Variants in SREK1 observed in about 807,000 individuals in gnomAD.
SREK1 encodes splicing regulatory glutamic acid and lysine rich protein 1.
SREK1 carries 13 observed loss-of-function variants against 66.5 expected under a neutral mutation model. The ratio of observed to expected loss-of-function variants is 0.20; its 90% confidence interval spans 0.13 to 0.31. SREK1 has a LOEUF of 0.31. Ranked by LOEUF, SREK1 falls within the 10% of genes least tolerant of loss-of-function variation. The pLI is 1.00. For synonymous variants in SREK1, 265 were observed against 263.5 expected (o/e 1.01, Z -0.05); for missense variants, 607 against 769.6 (o/e 0.79, Z 2.50).
chr5:66,170,162 G>A lies in SREK1; in HGVS notation c.1113G>A (p.Ser371=), dbSNP rs750079764. The change falls in exon 8 of 12, where the codon TCG becomes TCA. Residue 371 remains serine (S), a synonymous_variant. Transcript: ENST00000334121. ...AGAGACGGAAGTCAAGGAGTCGTTC[G>A]CATTCACGGTGAGTTTTAGAGAAAT... ...SRERRKSRSR[S]HSRDKRKDTR... The A allele has an allele frequency of 7.5e-6, 12 of 1,610,308 alleles. No individual in the cohort carries two copies. Among genetic ancestry groups the A allele is most frequent in the Admixed American group, 1.7e-5 (1 of 59,368 alleles).
intron 7 of SREK1, chr5:66,167,412 C>G (rs1456518020): frequency 1.3e-5 from 2 of 152,166 alleles, no homozygotes; most frequent in Non-Finnish European, 2.9e-5. Context: ...AACTGATTTA[C>G]AAATGAACTT....
At chr5:66,177,424 ATATCCAG>A in intron 10 of SREK1, 83 bp from the exon 11 acceptor site, 1 of 1,048,558 alleles carries the variant, frequency 9.5e-7, no homozygotes, top group Non-Finnish European at 1.3e-6. Context: ...ATTATTTTAG[ATATCCAG>A]TGTTAGAAAA....
intron 7 of SREK1, chr5:66,167,432 A>G (rs1397507526): frequency 6.6e-6 from 1 of 152,258 alleles, no homozygotes. Flanking sequence ...TTGATGCAGC[A>G]TAATGGTAAG....
At position 66,180,770 on chromosome 5, in the gene SREK1, AGT is replaced by A. The variant is rs1048691612; in HGVS notation, c.*1907_*1908del. On this transcript the variant is annotated 3_prime_UTR_variant, in exon 12 of 12. Coordinates refer to ENST00000334121, the MANE Select transcript of SREK1 (RefSeq NM_001077199.3). Reference sequence around the variant, plus strand: ...GGTGCATATGGAAAGATTGTGAAAGAGTGTGTCTTGCATCAACAGCTGTCTTA... The same window carrying A: ...GGTGCATATGGAAAGATTGTGAAAGAGTGTCTTGCATCAACAGCTGTCTTA... The A allele has an allele frequency of 7.2e-5, 11 of 152,592 alleles. No homozygotes were observed. The highest frequency in any genetic ancestry group is 1.7e-4 in the African/African-American group (7 of 41,448). 9.5% of individuals were successfully genotyped at this position (152,592 alleles called of 1,614,324 possible). A position where few individuals can be genotyped will look rare whatever the true frequency, so the allele number is the denominator to read the frequency against.
chr5:66,144,591 G>T, intron 1 of SREK1, 54 bp downstream of exon 1: 1 of 1,510,616 alleles, frequency 6.6e-7, no homozygotes. Flanking sequence ...GAGACCTCGG[G>T]AGCCGAGGCG....
In SREK1 at chr5:66,170,792, G is replaced by A; in HGVS notation, c.1329G>A (p.Lys443=). ...GAGAACGGGAAAAAGAGCATGAGAA[G>A]GATCGAGACAAAGAGAAGGAAAAGG... is the stretch of plus-strand genomic sequence containing the variant. ...REREREKEHE[K]DRDKEKEKEQ... is the part of the protein sequence containing the mutation. The change falls in exon 9 of 12, where the codon AAG becomes AAA. Residue 443 remains lysine, a synonymous_variant. Transcript: ENST00000334121. 3 of 1,608,352 alleles carry A rather than the reference G, an allele frequency of 1.9e-6. No homozygotes were observed. Among genetic ancestry groups the A allele is most frequent in the Non-Finnish European group, 2.5e-6 (3 of 1,177,070 alleles).
chr5:66,167,089 T>A (rs2112054617), intron 7 of SREK1: 1 of 152,272 alleles, frequency 6.6e-6, no homozygotes, highest in African/African-American at 2.4e-5. Context: ...ACCCTTTAAC[T>A]TAAAGGCCCA....
chr5:66,162,046 A>G (rs1230478250), intron 3 of SREK1, 63 bp from the exon 4 acceptor site: 1 of 1,542,760 alleles, frequency 6.5e-7, no homozygotes, highest in East Asian at 2.3e-5. Flanking sequence ...AGATTAGAGA[A>G]TGGTATCTTT....
chr5:66,161,200 A>G (rs1414877217), intron 3 of SREK1, among the ~76,000 whole-genome samples: 1 of 152,214 alleles, frequency 6.6e-6, no homozygotes, highest in Non-Finnish European at 1.5e-5. Context: ...TTAGGAACTC[A>G]TACTCATACT....
intron 10 of SREK1, 105 bp downstream of exon 10, chr5:66,175,146 T>C: frequency 1.1e-6 from 1 of 876,458 alleles, no homozygotes; most frequent in East Asian, 2.7e-5. Flanking sequence ...TTTGAATGAA[T>C]AATACATATG....
chr5:66,177,271 T>C (rs1746134872), intron 10 of SREK1: 2 of 329,938 alleles, frequency 6.1e-6, no homozygotes, highest in African/African-American at 4.3e-5. Flanking sequence ...AATAGTGTTT[T>C]ATGAGAACAT....
At chr5:66,167,688 A>T (rs150539566) in intron 7 of SREK1, 1 of 152,220 alleles carries the variant, frequency 6.6e-6, no homozygotes, top group East Asian at 1.9e-4. Flanking sequence ...TTGCAGGGTA[A>T]GGTTGGAAGC....
At position 66,177,640 on chromosome 5, in the gene SREK1, G is replaced by GAAC; in HGVS notation, c.1709_1711dup (p.Asn570dup). ...GAGATGGGAAGGAGAAGTTGGAGAA[G>GAAC]AACAGTACTTCACTTAAAGTAAGCA... On this transcript the variant is annotated inframe_insertion, in exon 11 of 12. Coordinates refer to ENST00000334121, the MANE Select transcript of SREK1 (RefSeq NM_001077199.3). The GAAC allele has an allele frequency of 6.2e-7, 1 of 1,601,140 alleles. No homozygotes were observed. Among genetic ancestry groups the GAAC allele is most frequent in the East Asian group, 2.2e-5 (1 of 44,640 alleles).
Position 66,144,475 on chromosome 5 carries a change from G to C in SREK1, c.99G>C (p.Glu33Asp). The C allele has an allele frequency of 6.4e-7, 1 of 1,553,132 alleles. No individual in the cohort carries two copies. Among genetic ancestry groups the C allele is most frequent in the Non-Finnish European group, 8.7e-7 (1 of 1,147,784 alleles). The change falls in exon 1 of 12, where the codon GAG becomes GAC. Residue 33 changes from glutamate to aspartate, a missense_variant. Transcript: ENST00000334121. ...VTNLSSAVTS[E>D]QMRTLFSFLG... ...ATCTGTCGTCGGCGGTGACCAGCGAGCAGATGCGGACGCTTTTTTCCTTCC... is the reference window on the plus strand; with the variant it reads ...ATCTGTCGTCGGCGGTGACCAGCGACCAGATGCGGACGCTTTTTTCCTTCC...
chr5:66,151,254 TGTG>T (rs1183376424), intron 1 of SREK1, among the ~76,000 whole-genome samples: 1 of 152,216 alleles, frequency 6.6e-6, no homozygotes, highest in Non-Finnish European at 1.5e-5. Context: ...TGCCAGTCGT[TGTG>T]GTGGAGGAAA....
At chr5:66,160,349 G>A (rs1026144865) in intron 3 of SREK1, among the ~76,000 whole-genome samples, 1 of 152,184 alleles carries the variant, frequency 6.6e-6, no homozygotes, top group African/African-American at 2.4e-5. Context: ...TAGATTGTAA[G>A]AGTGGTTTCT....
chr5:66,156,128 A>G, intron 2 of SREK1: 1 of 1,453,308 alleles, frequency 6.9e-7, no homozygotes, highest in Non-Finnish European at 9.0e-7. Flanking sequence ...TTGCCATGCC[A>G]CTAAACCTGC....
chr5:66,168,703 G>A (rs146272514), intron 7 of SREK1: 5 of 152,174 alleles, frequency 3.3e-5, no homozygotes, highest in African/African-American at 9.6e-5. Flanking sequence ...ACTGATAATT[G>A]TTCTAAATTT....
intron 1 of SREK1, among the ~76,000 whole-genome samples, chr5:66,146,666 T>A (rs1743233381): frequency 6.6e-6 from 1 of 152,090 alleles, no homozygotes; most frequent in South Asian, 2.1e-4. Context: ...TTCTGCTTCG[T>A]AATGAAGTTG....
Sources: allele counts gnomAD v4.1 joint callset (sites outside exome capture counted in the v4.1 genomes callset), GRCh38; gene constraint gnomAD v4.1.1; transcripts MANE v1.5; gene names NCBI Gene and HGNC (gene_info 2026-07-23, HGNC 2026-07-21).